UNC5D: variants seen among roughly 807,000 people sequenced by gnomAD.
UNC5D encodes unc-5 netrin receptor D, also known as netrin receptor UNC5D.
In UNC5D, 39 loss-of-function variants were observed where a neutral mutation model predicts 105.4. The observed-to-expected ratio is 0.37, with a 90% CI of 0.29 to 0.48. UNC5D has a LOEUF of 0.48. UNC5D is among the 20% of genes least tolerant of loss of function. The probability of loss-of-function intolerance (pLI) is 0.98; values close to 1 mark genes in which losing one functional copy is unlikely to be tolerated. For missense variants in UNC5D, 991 were observed against 1,202.4 expected (o/e 0.82, Z 2.60); for synonymous variants, 452 against 450.4 (o/e 1.00, Z -0.04).
intron 2 of UNC5D, among the ~76,000 whole-genome samples, chr8:35,557,547 T>C (rs1243743843): frequency 1.3e-5 from 2 of 152,220 alleles, no homozygotes; most frequent in Admixed American, 1.3e-4. Context: ...CTACTTTCAG[T>C]ACTATGTTGG....
intron 1 of UNC5D, among the ~76,000 whole-genome samples, chr8:35,526,953 T>C (rs1813919051): frequency 6.6e-6 from 1 of 152,224 alleles, no homozygotes; most frequent in African/African-American, 2.4e-5. Context: ...GTATCCATCA[T>C]GGGTCAAAAC....
At chr8:35,380,902 A>G (rs1803005239) in intron 1 of UNC5D, among the ~76,000 whole-genome samples, 3 of 152,204 alleles carry the variant, frequency 2.0e-5, no homozygotes, top group Admixed American at 1.3e-4. Flanking sequence ...CACACCTGCC[A>G]GGATCATGCT....
At chr8:35,622,455 G>A (rs919841334) in intron 4 of UNC5D, among the ~76,000 whole-genome samples, 22 of 152,120 alleles carry the variant, frequency 1.4e-4, no homozygotes, top group African/African-American at 5.3e-4. Context: ...GTCAGGTAAG[G>A]GAGGGGTACA....
intron 8 of UNC5D, among the ~76,000 whole-genome samples, chr8:35,716,971 A>G (rs992963506): frequency 6.6e-6 from 1 of 152,216 alleles, no homozygotes; most frequent in Non-Finnish European, 1.5e-5. Flanking sequence ...TCCTGTGCTG[A>G]GGGTGCTTCC....
intron 16 of UNC5D, among the ~76,000 whole-genome samples, chr8:35,783,868 A>G (rs1030869411): frequency 6.6e-6 from 1 of 151,922 alleles, no homozygotes; most frequent in Non-Finnish European, 1.5e-5. Flanking sequence ...CCACCTTTAT[A>G]CCTCCAAAAA....
chr8:35,243,921 C>A (rs192448618), intron 1 of UNC5D, among the ~76,000 whole-genome samples: 1 of 152,100 alleles, frequency 6.6e-6, no homozygotes, highest in Non-Finnish European at 1.5e-5. Flanking sequence ...TGTGATAAAA[C>A]CCTTAGGAAA....
chr8:35,665,554 C>T (rs1824367849), intron 4 of UNC5D, among the ~76,000 whole-genome samples: 1 of 152,070 alleles, frequency 6.6e-6, no homozygotes, highest in Non-Finnish European at 1.5e-5. Flanking sequence ...TTTTCATCCT[C>T]CCATTTCATT....
chr8:35,510,894 C>T (rs1484036112), intron 1 of UNC5D, among the ~76,000 whole-genome samples: 1 of 152,180 alleles, frequency 6.6e-6, no homozygotes, highest in Non-Finnish European at 1.5e-5. Context: ...TATTAATTCA[C>T]TCTTGACAGG....
intron 1 of UNC5D, among the ~76,000 whole-genome samples, chr8:35,264,411 G>A (rs1804697571): frequency 6.6e-6 from 1 of 152,118 alleles, no homozygotes; most frequent in East Asian, 1.9e-4. Context: ...GCTGCACCAA[G>A]CTTTGGCCAA....
intron 1 of UNC5D, among the ~76,000 whole-genome samples, chr8:35,251,847 G>T (rs1031003139): frequency 3.3e-5 from 5 of 152,088 alleles, no homozygotes; most frequent in Non-Finnish European, 4.4e-5. Flanking sequence ...AGGCCTGGTA[G>T]TTCCTCATAC....
intron 2 of UNC5D, among the ~76,000 whole-genome samples, chr8:35,549,952 C>CTT (rs5890821): frequency 0.12 from 15,244 of 125,322 alleles, 1,181 homozygotes; most frequent in East Asian, 0.25. Flanking sequence ...TTTCTGAGTC[C>CTT]TTTTTTTTTT....
rs35774459 is a variant in UNC5D, at chr8:35,335,756, A to ATTTTTTTTTTTT, written c.103+99883_103+99894dup. On this transcript the variant is annotated intron_variant, in intron 1 of 16. Coordinates refer to ENST00000404895, the MANE Select transcript of UNC5D (RefSeq NM_080872.4). ...GGATAGAATGAAATGAGAGATTGCA[A>ATTTTTTTTTTTT]TTTTTTTTTTTTTTTTTTTTTTTTT... Among the ~76,000 whole-genome samples, 500 of 90,422 alleles carry ATTTTTTTTTTTT rather than the reference A, an allele frequency of 5.5e-3. 20 individuals carry two copies. Among genetic ancestry groups the ATTTTTTTTTTTT allele is most frequent in the Non-Finnish European group, 6.9e-3 (342 of 49,550 alleles). The allele number at this position is 90,422 out of a possible 152,430, so 59.3% of individuals were successfully genotyped here. A position where few individuals can be genotyped will look rare whatever the true frequency, so the allele number is the denominator to read the frequency against.
intron 8 of UNC5D, among the ~76,000 whole-genome samples, chr8:35,718,093 G>A (rs1828355277): frequency 6.7e-6 from 1 of 149,126 alleles, no homozygotes; most frequent in Admixed American, 6.6e-5. Context: ...GTGGGGTTTG[G>A]GGGCTTTTTT....
intron 1 of UNC5D, among the ~76,000 whole-genome samples, chr8:35,283,149 A>C (rs1043858481): frequency 5.9e-5 from 9 of 152,228 alleles, no homozygotes; most frequent in Non-Finnish European, 1.2e-4. Flanking sequence ...AATTAAAGCA[A>C]AACTATGTCA....
At chr8:35,357,463 C>T (rs1358155579) in intron 1 of UNC5D, among the ~76,000 whole-genome samples, 1 of 152,156 alleles carries the variant, frequency 6.6e-6, no homozygotes, top group Non-Finnish European at 1.5e-5. Context: ...CTTGCCTCTA[C>T]CACATCTTAG....
intron 1 of UNC5D, among the ~76,000 whole-genome samples, chr8:35,533,867 C>T (rs549754760): frequency 9.8e-5 from 15 of 152,328 alleles, no homozygotes; most frequent in South Asian, 6.2e-4. Context: ...TGACCCCTTG[C>T]GCTTCCCAAG....
rs183594702 is a variant in UNC5D at position 35,487,101 on chromosome 8, C to T, written c.104-62191C>T. Reference sequence around the variant, plus strand: ...AATTTTAGTCTGGTTACTCTACTTACGAGGAAAAAATCCTCAGTCTTTGGA... The same window carrying T: ...AATTTTAGTCTGGTTACTCTACTTATGAGGAAAAAATCCTCAGTCTTTGGA... On this transcript the variant is annotated intron_variant, in intron 1 of 16. Transcript: ENST00000404895. Among the ~76,000 whole-genome samples the T allele has an allele frequency of 1.2e-4, 18 of 152,252 alleles. 1 individual carries two copies. Among genetic ancestry groups the T allele is most frequent in the Middle Eastern group, 3.4e-3 (1 of 294 alleles).
intron 1 of UNC5D, among the ~76,000 whole-genome samples, chr8:35,433,303 T>C (rs975016162): frequency 6.6e-6 from 1 of 152,188 alleles, no homozygotes; most frequent in African/African-American, 2.4e-5. Flanking sequence ...AAAATGTTTA[T>C]GTCCTTGGTC....
chr8:35,508,409 G>T (rs1812471866), intron 1 of UNC5D, among the ~76,000 whole-genome samples: 1 of 152,182 alleles, frequency 6.6e-6, no homozygotes, highest in Non-Finnish European at 1.5e-5. Context: ...GTCTTTATGA[G>T]AGATCACTGG....
Sources: gnomAD v4.1 joint callset for allele counts (sites outside exome capture counted in the v4.1 genomes callset) on GRCh38, gnomAD v4.1.1 for gene constraint, MANE v1.5 for transcripts, NCBI Gene and HGNC (gene_info 2026-07-23, HGNC 2026-07-21) for gene names.